The following KLHL13 variants were observed in gnomAD, a reference collection of about 807,000 sequenced individuals.
KLHL13 encodes kelch-like protein 13.
A neutral mutation model predicts 37.1 loss-of-function variants in KLHL13; 10 were observed. That is an observed-to-expected ratio of 0.27 (90% CI 0.17 to 0.46). The LOEUF is 0.46. Ranked by LOEUF, KLHL13 falls within the 20% of genes least tolerant of loss-of-function variation. The probability of loss-of-function intolerance (pLI) is 1.00; values close to 1 mark genes in which losing one functional copy is unlikely to be tolerated. For missense variants in KLHL13, 360 were observed against 509.3 expected (o/e 0.71, Z 2.82); for synonymous variants, 163 against 181.2 (o/e 0.90, Z 0.81).
At chrX:118,009,075 T>C (rs928717510) in intron 1 of KLHL13, among the ~76,000 whole-genome samples, 3 of 110,185 alleles carry the variant, frequency 2.7e-5, no homozygotes, top group Non-Finnish European at 5.7e-5. Context: ...TTCATGTCCT[T>C]TGCCCACTTT....
chrX:117,999,173 C>T (rs984652196), intron 1 of KLHL13, among the ~76,000 whole-genome samples: 1 of 111,022 alleles, frequency 9.0e-6, no homozygotes, highest in Non-Finnish European at 1.9e-5. Flanking sequence ...TACCATTTGA[C>T]CCAGCCATCC....
chrX:117,949,763 G>T (rs1933491914), intron 1 of KLHL13, among the ~76,000 whole-genome samples: 2 of 112,064 alleles, frequency 1.8e-5, no homozygotes, highest in African/African-American at 6.5e-5. Flanking sequence ...CAGAAACCCA[G>T]GTGTGGTCAA....
chrX:117,953,228 A>C (rs1246204207), intron 1 of KLHL13, among the ~76,000 whole-genome samples: 1 of 111,396 alleles, frequency 9.0e-6, no homozygotes, highest in African/African-American at 3.3e-5. Context: ...TGCAGCCATA[A>C]AAAATGATGA....
intron 1 of KLHL13, among the ~76,000 whole-genome samples, chrX:118,052,696 G>A (rs1324084859): frequency 9.2e-6 from 1 of 109,008 alleles, no homozygotes; most frequent in African/African-American, 3.3e-5. Context: ...AATTAGCTGG[G>A]CGCACCTGTA....
intron 1 of KLHL13, among the ~76,000 whole-genome samples, chrX:118,106,859 A>T (rs1253412384): frequency 8.9e-6 from 1 of 112,402 alleles, no homozygotes; most frequent in Non-Finnish European, 1.9e-5. Context: ...CAAAGGTACT[A>T]TCAAACTTTT....
At chrX:118,004,257 T>G (rs5956844) in intron 1 of KLHL13, among the ~76,000 whole-genome samples, 7,012 of 111,803 alleles carry the variant, frequency 0.063, 537 homozygotes, top group African/African-American at 0.21. Context: ...TGTATAAATG[T>G]GTATATGTAT....
At chrX:118,073,634 A>G (rs1232120898) in intron 1 of KLHL13, among the ~76,000 whole-genome samples, 2 of 112,405 alleles carry the variant, frequency 1.8e-5, no homozygotes, top group African/African-American at 6.5e-5. Context: ...TGTAGAATAT[A>G]ACAATAGAAA....
intron 1 of KLHL13, among the ~76,000 whole-genome samples, chrX:118,018,471 A>G (rs1460345907): frequency 2.7e-5 from 3 of 111,873 alleles, no homozygotes; most frequent in African/African-American, 9.7e-5. Flanking sequence ...AGCAATTACT[A>G]CATAGCAGAC....
intron 1 of KLHL13, among the ~76,000 whole-genome samples, chrX:117,951,773 T>C (rs1933617873): frequency 8.9e-6 from 1 of 112,584 alleles, no homozygotes; most frequent in Non-Finnish European, 1.9e-5. Flanking sequence ...CAGCACCTGC[T>C]GTGTACTAAG....
At position 118,095,278 on chromosome X, in the gene KLHL13, T is replaced by C. The variant is rs1399972389; in HGVS notation, c.-56+21230A>G. 2.4e-4 allele frequency among the ~76,000 whole-genome samples: 26 copies of C among 109,737 alleles called. 1 individual carries two copies. The South Asian group carries it at 9.9e-3, about 42-fold the overall frequency. The stretch of plus-strand genomic sequence containing the variant: ...AAAACAGACTTTAAACCAACAAAGA[T>C]CAAAAGAGACAAAGAAGGCCATTAC... On this transcript the variant is annotated intron_variant, in intron 1 of 6. Coordinates refer to the KLHL13 transcript ENST00000371882.
At chrX:117,972,641 T>G (rs978682392) in intron 1 of KLHL13, 1 of 720,345 alleles carries the variant, frequency 1.4e-6, no homozygotes, top group African/African-American at 2.1e-5. Flanking sequence ...TTTTGGATGT[T>G]GCTGTTTGGG....
At chrX:117,951,253 G>GA (rs1293473680) in intron 1 of KLHL13, among the ~76,000 whole-genome samples, 159 of 111,230 alleles carry the variant, frequency 1.4e-3, no homozygotes, top group African/African-American at 4.9e-3. Context: ...CATTTTTGTT[G>GA]AAAAAAATTA....
intron 1 of KLHL13, among the ~76,000 whole-genome samples, chrX:117,964,422 A>G (rs2053374729): frequency 8.9e-6 from 1 of 111,998 alleles, no homozygotes; most frequent in African/African-American, 3.2e-5. Context: ...TAAGCTATTT[A>G]ATTGCTTATG....
chrX:117,921,861 G>C (rs932756377), intron 2 of KLHL13, among the ~76,000 whole-genome samples: 1 of 112,092 alleles, frequency 8.9e-6, no homozygotes, highest in Non-Finnish European at 1.9e-5. Context: ...TAGGGAAAGA[G>C]ATGAATATTT....
intron 1 of KLHL13, among the ~76,000 whole-genome samples, chrX:117,968,696 A>G (rs917337922): frequency 8.9e-6 from 1 of 112,106 alleles, no homozygotes; most frequent in Admixed American, 9.5e-5. Flanking sequence ...TAGAAAAGAA[A>G]GATTTCTCTA....
At chrX:118,096,401 G>C (rs190570545) in intron 1 of KLHL13, among the ~76,000 whole-genome samples, 32 of 111,753 alleles carry the variant, frequency 2.9e-4, no homozygotes, top group African/African-American at 9.1e-4. Context: ...TCTCTGAATA[G>C]ACCAATAACA....
intron 6 of KLHL13, among the ~76,000 whole-genome samples, chrX:117,900,965 A>C (rs1214549232): frequency 1.8e-5 from 2 of 112,041 alleles, no homozygotes; most frequent in Non-Finnish European, 3.8e-5. Context: ...CAATTTGAGA[A>C]TGAAAGTTGC....
At chrX:117,919,271 G>C (rs142252523) in intron 4 of KLHL13, among the ~76,000 whole-genome samples, 3 of 111,963 alleles carry the variant, frequency 2.7e-5, no homozygotes, top group African/African-American at 9.8e-5. Context: ...CGATCTGCCC[G>C]CCTCGGCCTC....
At chrX:118,058,638 G>A (rs1284933595) in intron 1 of KLHL13, among the ~76,000 whole-genome samples, 1 of 111,884 alleles carries the variant, frequency 8.9e-6, no homozygotes, top group Non-Finnish European at 1.9e-5. Context: ...TTTTAAACAG[G>A]ATAAATTAAA....
Sources: gnomAD v4.1 joint callset for allele counts (sites outside exome capture counted in the v4.1 genomes callset) on GRCh38, gnomAD v4.1.1 for gene constraint, MANE v1.5 for transcripts, NCBI Gene and HGNC (gene_info 2026-07-23, HGNC 2026-07-21) for gene names.